LMAN2L: variants seen among roughly 807,000 people sequenced by gnomAD.
The protein encoded by LMAN2L is VIP36-like protein.
A neutral mutation model predicts 44.3 loss-of-function variants in LMAN2L; 30 were observed. The observed-to-expected ratio is 0.68, with a 90% CI of 0.51 to 0.92. The LOEUF is 0.92. LMAN2L is among the 40% of genes least tolerant of loss of function. LMAN2L has a pLI of 0.00. For synonymous variants in LMAN2L, 183 were observed against 171.1 expected, an observed-to-expected ratio of 1.07 and a Z score of -0.54; for missense variants, 429 against 446.1, an observed-to-expected ratio of 0.96 and a Z score of 0.35.
chr2:96,707,518 G>C, intron 7 of LMAN2L, 120 bp from the exon 8 acceptor site: 1 of 1,293,808 alleles, frequency 7.7e-7, no homozygotes, highest in Non-Finnish European at 1.1e-6. Context: ...CCAGAGCTTA[G>C]ACCCCCTCTT....
rs2078113821 is a variant in LMAN2L, at chr2:96,719,802, C to T, written c.508-7777G>A. Among the ~76,000 whole-genome samples, 3 of 152,248 alleles carry T rather than the reference C, an allele frequency of 2.0e-5. No individual in the cohort carries two copies. The South Asian group carries it at 6.2e-4, about 31-fold the overall frequency. On this transcript the variant is annotated intron_variant, in intron 4 of 7. Coordinates refer to ENST00000264963, the MANE Select transcript of LMAN2L (RefSeq NM_030805.4). ...AGAGACAGGGTTTCACCATGTTGGC[C>T]AGGCTGGTCTCGAACTCCTGACCTC... is the stretch of plus-strand genomic sequence containing the variant.
chr2:96,716,785 G>A (rs2078047770), intron 4 of LMAN2L, among the ~76,000 whole-genome samples: 1 of 152,194 alleles, frequency 6.6e-6, no homozygotes, highest in Admixed American at 6.5e-5. Flanking sequence ...CCAGAGCCCT[G>A]ACTCAATCAC....
intron 2 of LMAN2L, among the ~76,000 whole-genome samples, chr2:96,736,951 G>T (rs927255154): frequency 2.0e-5 from 3 of 152,114 alleles, no homozygotes; most frequent in Admixed American, 2.0e-4. Flanking sequence ...ACAGGGAAAA[G>T]AAATCGTTCT....
chr2:96,734,614 C>T, intron 2 of LMAN2L, 88 bp from the exon 3 acceptor site: 1 of 836,278 alleles, frequency 1.2e-6, no homozygotes, highest in South Asian at 1.4e-5. Context: ...ACTTGGAAAA[C>T]ACAAATGCAG....
At chr2:96,708,344 G>A (rs907931359) in intron 6 of LMAN2L, among the ~76,000 whole-genome samples, 3 of 152,188 alleles carry the variant, frequency 2.0e-5, no homozygotes, top group Admixed American at 6.5e-5. Context: ...TAGGCTTTGT[G>A]TTAGATGATT....
intron 6 of LMAN2L, among the ~76,000 whole-genome samples, chr2:96,710,084 G>A (rs939791510): frequency 5.6e-4 from 85 of 152,224 alleles, no homozygotes; most frequent in African/African-American, 1.9e-3. Flanking sequence ...TGGCCTGCTC[G>A]GTACTTAGAA....
At chr2:96,739,639 C>CTTT (rs1367833328) in intron 1 of LMAN2L, among the ~76,000 whole-genome samples, 1 of 152,136 alleles carries the variant, frequency 6.6e-6, no homozygotes, top group East Asian at 1.9e-4. Context: ...ACAGCCCTGC[C>CTTT]TTTACCTACT....
At chr2:96,716,245 T>G (rs2078038557) in intron 4 of LMAN2L, among the ~76,000 whole-genome samples, 1 of 152,188 alleles carries the variant, frequency 6.6e-6, no homozygotes, top group African/African-American at 2.4e-5. Flanking sequence ...ATAATAAACA[T>G]CATTTTACAA....
At chr2:96,739,792 C>A in intron 1 of LMAN2L, 62 bp downstream of exon 1, 1 of 1,549,254 alleles carries the variant, frequency 6.5e-7, no homozygotes, top group Non-Finnish European at 8.9e-7. Flanking sequence ...CCCGCCTCTA[C>A]CCCTGAAATC....
intron 4 of LMAN2L, among the ~76,000 whole-genome samples, chr2:96,723,874 A>G (rs1471943224): frequency 1.3e-5 from 2 of 152,192 alleles, no homozygotes; most frequent in South Asian, 4.1e-4. Flanking sequence ...GGATCACGAG[A>G]TCAGGAGATC....
At chr2:96,708,513 A>C (rs1167426771) in intron 6 of LMAN2L, among the ~76,000 whole-genome samples, 1 of 152,262 alleles carries the variant, frequency 6.6e-6, no homozygotes, top group Non-Finnish European at 1.5e-5. Flanking sequence ...TTGTATGTCA[A>C]GACGCATCTG....
At chr2:96,726,975 T>A (rs1047647800) in intron 4 of LMAN2L, among the ~76,000 whole-genome samples, 2 of 151,694 alleles carry the variant, frequency 1.3e-5, no homozygotes, top group African/African-American at 4.8e-5. Context: ...TCTCACCTAC[T>A]TGGGAGGCTG....
chr2:96,734,220 G>A (rs956763188), intron 3 of LMAN2L, among the ~76,000 whole-genome samples, 189 bp downstream of exon 3: 1 of 152,172 alleles, frequency 6.6e-6, no homozygotes. Flanking sequence ...ACTGCCTCAG[G>A]ATGAGTCAAA....
chr2:96,728,259 G>A (rs990078773), intron 4 of LMAN2L, among the ~76,000 whole-genome samples: 3 of 152,120 alleles, frequency 2.0e-5, no homozygotes, highest in East Asian at 1.9e-4. Flanking sequence ...AGACCGAGGC[G>A]GGCGGATCAC....
chr2:96,733,656 G>T (rs1003188778), intron 3 of LMAN2L, 55 bp from the exon 4 acceptor site: 2 of 1,376,738 alleles, frequency 1.5e-6, no homozygotes, highest in Non-Finnish European at 2.1e-6. Flanking sequence ...GTTGATAAAG[G>T]AATAATATAT....
intron 4 of LMAN2L, 58 bp from the exon 5 acceptor site, chr2:96,712,083 C>T: frequency 1.3e-6 from 2 of 1,542,342 alleles, no homozygotes; most frequent in South Asian, 1.1e-5. Flanking sequence ...AACGCCTGTA[C>T]AAACAGCAAC....
rs941351128 is a variant in LMAN2L at position 96,707,187 on chromosome 2, C to T, written c.*69G>A. On this transcript the variant is annotated 3_prime_UTR_variant, in exon 8 of 8. Coordinates refer to ENST00000264963, the MANE Select transcript of LMAN2L (RefSeq NM_030805.4). ...ACAAGAACACTCTCCAGGCTGCATG[C>T]TCAGGCCAGTGCCTGCTCCTTCCAT... 7.4e-6 allele frequency: 11 copies of T among 1,482,418 alleles called. No homozygotes were observed. The African/African-American group carries it at 1.3e-4, about 17-fold the overall frequency. 91.8% of individuals were successfully genotyped at this position (1,482,418 alleles called of 1,614,324 possible). A position where few individuals can be genotyped will look rare whatever the true frequency, so the allele number is the denominator to read the frequency against.
Position 96,724,927 on chromosome 2 carries a change from G to A in LMAN2L, c.507+8592C>T, listed in dbSNP as rs1241083821. 2.6e-5 allele frequency among the ~76,000 whole-genome samples: 4 copies of A among 152,276 alleles called. No homozygotes were observed. In the East Asian group the frequency reaches 7.7e-4, roughly 29 times the overall value. ...GCTCACTGCAAGCTCCGCTTCCCGG[G>A]TTCATGCCATTCTCCTGCCTCAGCC... is the stretch of plus-strand genomic sequence containing the variant. On this transcript the variant is annotated intron_variant, in intron 4 of 7. Transcript: ENST00000264963.
intron 2 of LMAN2L, chr2:96,734,821 C>T: frequency 2.7e-6 from 1 of 372,774 alleles, no homozygotes; most frequent in Admixed American, 4.1e-5. Flanking sequence ...TACCAAACTC[C>T]ACTCCTGTGA....
Sources: gnomAD v4.1 joint callset for allele counts (sites outside exome capture counted in the v4.1 genomes callset) on GRCh38, gnomAD v4.1.1 for gene constraint, MANE v1.5 for transcripts, NCBI Gene and HGNC (gene_info 2026-07-23, HGNC 2026-07-21) for gene names.